PHF19: variants seen among roughly 807,000 people sequenced by gnomAD.
The protein encoded by PHF19 is polycomb like 3.
Under a neutral mutation model 79.8 loss-of-function variants are expected in PHF19, and 21 were observed. That is an observed-to-expected ratio of 0.26 (90% CI 0.19 to 0.38). PHF19 has a LOEUF of 0.38. Ranked by LOEUF, PHF19 falls within the 10% of genes least tolerant of loss-of-function variation. The pLI is 1.00. For synonymous variants in PHF19, 273 were observed against 296.3 expected (o/e 0.92, Z 0.81); for missense variants, 445 against 744.2 (o/e 0.60, Z 4.68).
intron 14 of PHF19, among the ~76,000 whole-genome samples, chr9:120,859,809 C>T (rs934109733): frequency 2.6e-5 from 4 of 152,180 alleles, no homozygotes; most frequent in Admixed American, 1.3e-4. Context: ...GAACTGGAAT[C>T]GTCCAGTGAG....
upstream of PHF19, among the ~76,000 whole-genome samples, chr9:120,878,057 G>C (rs2046117077): frequency 6.6e-6 from 1 of 152,208 alleles, no homozygotes; most frequent in Admixed American, 6.5e-5. Flanking sequence ...AGGGAATTCA[G>C]TGGGCTAACA....
chr9:120,868,065 A>G (rs947812883), intron 6 of PHF19, among the ~76,000 whole-genome samples: 16 of 139,250 alleles, frequency 1.1e-4, no homozygotes, highest in Non-Finnish European at 4.6e-5. Flanking sequence ...ATCTCCAGGG[A>G]AAAGAATCTT....
At position 120,891,438 on chromosome 9, in the gene PHF19, G is replaced by A. The variant is rs1177133382; in HGVS notation, c.42+3350C>T. Among the ~76,000 whole-genome samples the A allele has an allele frequency of 1.3e-5, 2 of 152,190 alleles. No homozygotes were observed. The highest frequency in any genetic ancestry group is 4.8e-5 in the African/African-American group (2 of 41,438). ...CGGGAACCTTAACATGCTGATGCCTGTGTTCTTATCTTCAGAGACTCTGGT... is the reference window on the plus strand; with the variant it reads ...CGGGAACCTTAACATGCTGATGCCTATGTTCTTATCTTCAGAGACTCTGGT... On this transcript the variant is annotated intron_variant, in intron 1 of 14. Transcript: ENST00000616568. This position sits in a 1 kb window ranked among gnomAD's most constrained non-coding sequence, Gnocchi z 4.3.
At chr9:120,901,950 G>C in the PHF19 span, among the ~76,000 whole-genome samples, 1 of 152,176 alleles carries the variant, frequency 6.6e-6, no homozygotes, top group Non-Finnish European at 1.5e-5. Context: ...GAACCTCCGG[G>C]GGCAAGGCAG....
chr9:120,901,233 C>T, the PHF19 span, among the ~76,000 whole-genome samples: 8 of 151,938 alleles, frequency 5.3e-5, no homozygotes. Context: ...CGCTCTGTCT[C>T]CCAGGCTGGA....
At chr9:120,878,484 A>G (rs1380817691), upstream of PHF19, among the ~76,000 whole-genome samples, 1 of 152,096 alleles carries the variant, frequency 6.6e-6, no homozygotes, top group African/African-American at 2.4e-5. Flanking sequence ...AGACAGGGAT[A>G]TGTGCTTTCA....
intron 14 of PHF19, among the ~76,000 whole-genome samples, chr9:120,859,059 C>T (rs1354819983): frequency 1.3e-5 from 2 of 152,058 alleles, no homozygotes; most frequent in Non-Finnish European, 2.9e-5. Context: ...GCGGAGGTTG[C>T]AGTGAGCTGA....
intron 1 of PHF19, chr9:120,894,750 G>C: frequency 8.5e-7 from 1 of 1,172,596 alleles, no homozygotes; most frequent in Non-Finnish European, 1.1e-6. Flanking sequence ...CCAGCCTCGC[G>C]CCCGCCCCGC....
rs553189059 is a variant in PHF19, at chr9:120,894,707, G to A, written c.42+81C>T. 3.1e-3 allele frequency: 1,810 copies of A among 578,792 alleles called. 6 individuals are homozygous for A. Among genetic ancestry groups the A allele is most frequent in the Non-Finnish European group, 3.3e-3 (1,326 of 403,232 alleles). 35.9% of individuals were successfully genotyped at this position (578,792 alleles called of 1,614,324 possible). ...GCCGCTCAATGCGTTCCATATGGCG[G>A]CGGCGCGGGCCCACCCGGCCGCCCG... is the stretch of plus-strand genomic sequence containing the variant. On this transcript the variant is annotated intron_variant, in intron 1 of 14. Transcript: ENST00000616568.
At chr9:120,892,205 G>A (rs936534050) in intron 1 of PHF19, among the ~76,000 whole-genome samples, 1 of 152,200 alleles carries the variant, frequency 6.6e-6, no homozygotes, top group Admixed American at 6.5e-5. Flanking sequence ...CCTGAATTTA[G>A]CATCTATTAC....
In PHF19 at chr9:120,863,791, G is replaced by A. The variant is rs569808121; in HGVS notation, c.968+258C>T. Among the ~76,000 whole-genome samples the A allele has an allele frequency of 6.6e-5, 10 of 152,294 alleles. No individual in the cohort carries two copies. The East Asian group carries it at 1.4e-3, about 21-fold the overall frequency. On this transcript the variant is annotated intron_variant, in intron 10 of 14. Transcript: ENST00000373896. ...CCCCAAGGCCTAGATGTCTAGAGCCGGAGGGGCCCTCAGAGAGCAGGGGTG... is the reference window on the plus strand; with the variant it reads ...CCCCAAGGCCTAGATGTCTAGAGCCAGAGGGGCCCTCAGAGAGCAGGGGTG...
intron 9 of PHF19, among the ~76,000 whole-genome samples, chr9:120,864,678 G>A (rs761505742): frequency 2.0e-4 from 30 of 152,098 alleles, no homozygotes; most frequent in Non-Finnish European, 2.9e-4. Context: ...GGGAGACTCC[G>A]TCTCAAACAA....
intron 1 of PHF19, among the ~76,000 whole-genome samples, chr9:120,888,000 CA>C (rs199765639): frequency 0.043 from 6,479 of 152,158 alleles, 211 homozygotes; most frequent in Middle Eastern, 0.092. Context: ...TGCAAGTCCC[CA>C]CACGTCTGTC....
Position 120,869,655 on chromosome 9 carries a change from T to G in PHF19, c.465+190A>C, listed in dbSNP as rs1344425865. On this transcript the variant is annotated intron_variant, in intron 5 of 14. Coordinates refer to ENST00000373896, the MANE Select transcript of PHF19 (RefSeq NM_015651.3). The surrounding 1 kb of genome is among the most constrained non-coding windows in gnomAD (Gnocchi z 5.8). ...TCCCGACACCAAACCCATCTCCACT[T>G]TACAGTTGAGGAAACTGAGGCTCAG... The G allele has an allele frequency of 6.5e-7, 1 of 1,545,150 alleles. No homozygotes were observed.
Position 120,889,071 on chromosome 9 carries a change from G to C in PHF19, c.42+5717C>G, listed in dbSNP as rs530544348. 2.0e-5 allele frequency among the ~76,000 whole-genome samples: 3 copies of C among 152,290 alleles called. No individual in the cohort carries two copies. In the South Asian group the frequency reaches 6.2e-4, roughly 32 times the overall value. On this transcript the variant is annotated intron_variant, in intron 1 of 14. Coordinates refer to the PHF19 transcript ENST00000616568. Reference sequence around the variant, plus strand: ...AAGGAACCAGAATTTTAAGGTGGGGGTGGATGCTGGACAGATCATAAGTGA... The same window carrying C: ...AAGGAACCAGAATTTTAAGGTGGGGCTGGATGCTGGACAGATCATAAGTGA...
At chr9:120,896,446 T>TTTC (rs2046402265), upstream of PHF19, among the ~76,000 whole-genome samples, 1 of 126,842 alleles carries the variant, frequency 7.9e-6, no homozygotes, top group Non-Finnish European at 1.6e-5. Flanking sequence ...TCTTTTTTTT[T>TTTC]TTTTCTTTTT....
chr9:120,876,922 G>C, intron 1 of PHF19, 169 bp downstream of exon 1: 10 of 957,988 alleles, frequency 1.0e-5, no homozygotes, highest in Non-Finnish European at 1.2e-5. Context: ...CCTCTGCCCC[G>C]CAGGTAACCT....
upstream of PHF19, among the ~76,000 whole-genome samples, chr9:120,881,895 G>A (rs1386336636): frequency 3.9e-5 from 6 of 152,310 alleles, no homozygotes; most frequent in South Asian, 2.1e-4. Context: ...CTGGGTAGCC[G>A]GGGTTCCAGG....
Position 120,874,841 on chromosome 9 carries a change from G to T in PHF19, c.-15-85C>A. 1 of 826,462 alleles carries T rather than the reference G, an allele frequency of 1.2e-6. No individual in the cohort carries two copies. The highest frequency in any genetic ancestry group is 2.0e-6 in the Non-Finnish European group (1 of 508,600). The allele number at this position is 826,462 out of a possible 1,614,324, so 51.2% of individuals were successfully genotyped here. A position where few individuals can be genotyped will look rare whatever the true frequency, so the allele number is the denominator to read the frequency against. ...GGGAAGGAAGGAAACCACCATTTCTGTACCCTGTGCTATAAGCCAGACTTG... is the reference window on the plus strand; with the variant it reads ...GGGAAGGAAGGAAACCACCATTTCTTTACCCTGTGCTATAAGCCAGACTTG... On this transcript the variant is annotated intron_variant, in intron 1 of 14. Coordinates refer to ENST00000373896, the MANE Select transcript of PHF19 (RefSeq NM_015651.3). This position sits in a 1 kb window ranked among gnomAD's most constrained non-coding sequence, Gnocchi z 4.5.
Sources: gnomAD v4.1 joint callset for allele counts (sites outside exome capture counted in the v4.1 genomes callset) on GRCh38, gnomAD v4.1.1 for gene constraint, Gnocchi (gnomAD v3.1) non-coding constraint, MANE v1.5 for transcripts, NCBI Gene and HGNC (gene_info 2026-07-23, HGNC 2026-07-21) for gene names.